RBFOX1: variants seen among roughly 807,000 people sequenced by gnomAD.
RBFOX1 encodes RNA binding fox-1 homolog 1, also known as RNA binding protein fox-1 homolog 1.
Under a neutral mutation model 57.7 loss-of-function variants are expected in RBFOX1, and 8 were observed. That is an observed-to-expected ratio of 0.14 (90% CI 0.08 to 0.25). RBFOX1 has a LOEUF of 0.25. Among genes scored for constraint, RBFOX1 ranks in the 10% least tolerant of loss-of-function variants. The probability of loss-of-function intolerance (pLI) is 1.00; values close to 1 mark genes in which losing one functional copy is unlikely to be tolerated. For missense variants in RBFOX1, 611 were observed against 548.5 expected (o/e 1.11, Z -1.14); for synonymous variants, 326 against 222.4 (o/e 1.47, Z -4.15).
intron 3 of RBFOX1, among the ~76,000 whole-genome samples, chr16:6,687,205 T>G (rs112736302): frequency 8.5e-5 from 13 of 152,264 alleles, no homozygotes; most frequent in African/African-American, 3.1e-4. Flanking sequence ...AAATACCGTA[T>G]GTTCTGACTT....
chr16:7,116,296 G>C (rs1020562268), intron 4 of RBFOX1, among the ~76,000 whole-genome samples: 17 of 152,250 alleles, frequency 1.1e-4, no homozygotes, highest in African/African-American at 3.6e-4. Context: ...ATCTGCCTCT[G>C]AAAGCCTAGG....
At chr16:5,389,584 C>T (rs1329110613) in intron 1 of RBFOX1, among the ~76,000 whole-genome samples, 1 of 152,124 alleles carries the variant, frequency 6.6e-6, no homozygotes, top group Non-Finnish European at 1.5e-5. Flanking sequence ...TTTGGGCATT[C>T]CCTTCTTTTT....
intron 5 of RBFOX1, among the ~76,000 whole-genome samples, chr16:7,543,821 A>C (rs547326764): frequency 3.0e-4 from 46 of 152,102 alleles, no homozygotes; most frequent in African/African-American, 9.6e-4. Context: ...CCTTGGTTCA[A>C]GTGATTCTCC....
chr16:6,987,166 G>C (rs952520707), intron 3 of RBFOX1, among the ~76,000 whole-genome samples: 2 of 152,090 alleles, frequency 1.3e-5, no homozygotes, highest in African/African-American at 4.8e-5. Context: ...GCAGCATTTT[G>C]ATAGAGGACT....
rs111063945 is a variant in RBFOX1, at chr16:6,772,796, G to A, written c.-16+118146G>A. Among the ~76,000 whole-genome samples the A allele has an allele frequency of 2.0e-3, 308 of 150,418 alleles. 3 individuals are homozygous for A. Among genetic ancestry groups the A allele is most frequent in the Non-Finnish European group, 2.9e-3 (195 of 67,520 alleles). On this transcript the variant is annotated intron_variant, in intron 3 of 15. Coordinates refer to ENST00000550418, the MANE Select transcript of RBFOX1 (RefSeq NM_018723.4). ...TGGGATGTGGGGTGCATTTGTGTGCGTATGTGTGGGCCTGGGGTGCATTTG... is the reference window on the plus strand; with the variant it reads ...TGGGATGTGGGGTGCATTTGTGTGCATATGTGTGGGCCTGGGGTGCATTTG...
intron 4 of RBFOX1, among the ~76,000 whole-genome samples, chr16:5,870,694 A>G (rs2057449209): frequency 6.6e-6 from 1 of 150,984 alleles, no homozygotes; most frequent in African/African-American, 2.4e-5. Flanking sequence ...TTTTTTCATG[A>G]CAGCAGGGAG....
At chr16:7,445,847 T>A (rs936715244) in intron 4 of RBFOX1, among the ~76,000 whole-genome samples, 1 of 152,214 alleles carries the variant, frequency 6.6e-6, no homozygotes, top group African/African-American at 2.4e-5. Context: ...TATTTGCTCA[T>A]TGAAGTGGGT....
intron 1 of RBFOX1, among the ~76,000 whole-genome samples, chr16:5,407,146 C>G (rs887143676): frequency 1.3e-5 from 2 of 152,088 alleles, no homozygotes; most frequent in African/African-American, 2.4e-5. Context: ...AAGAGAGAGA[C>G]AGAGTGAAAA....
At chr16:6,830,281 A>G (rs966828560) in intron 3 of RBFOX1, among the ~76,000 whole-genome samples, 11 of 152,200 alleles carry the variant, frequency 7.2e-5, no homozygotes, top group African/African-American at 2.7e-4. Context: ...ATTCTGATAT[A>G]CACAACAGGG....
intron 3 of RBFOX1, among the ~76,000 whole-genome samples, chr16:6,695,612 T>C (rs529248687): frequency 2.0e-5 from 3 of 152,278 alleles, no homozygotes; most frequent in African/African-American, 7.2e-5. Context: ...ATATTTTCAC[T>C]TGGAATCTTC....
intron 3 of RBFOX1, among the ~76,000 whole-genome samples, chr16:6,740,146 G>C (rs561520979): frequency 6.6e-6 from 1 of 152,064 alleles, no homozygotes; most frequent in Non-Finnish European, 1.5e-5. Context: ...TCACTATACC[G>C]ATAGGTTCAA....
At chr16:7,278,328 T>C (rs2095479444) in intron 4 of RBFOX1, among the ~76,000 whole-genome samples, 1 of 152,214 alleles carries the variant, frequency 6.6e-6, no homozygotes, top group South Asian at 2.1e-4. Flanking sequence ...CCTCCTTCAG[T>C]GTCTCTAGAT....
intron 3 of RBFOX1, among the ~76,000 whole-genome samples, chr16:5,698,352 T>C (rs891887398): frequency 2.0e-5 from 3 of 152,206 alleles, no homozygotes; most frequent in Admixed American, 2.0e-4. Context: ...TTTTTTGCTT[T>C]TGGGGTGTGT....
chr16:6,127,391 T>C (rs1288551301), intron 1 of RBFOX1, among the ~76,000 whole-genome samples: 1 of 152,194 alleles, frequency 6.6e-6, no homozygotes, highest in Non-Finnish European at 1.5e-5. Flanking sequence ...TCTCTGTTCA[T>C]GTGGACCTTT....
chr16:6,496,732 G>A (rs888148402), intron 2 of RBFOX1, among the ~76,000 whole-genome samples: 1 of 152,114 alleles, frequency 6.6e-6, no homozygotes, highest in Admixed American at 6.5e-5. Context: ...GGCCAGGGTG[G>A]GTGGATCGCT....
At chr16:5,867,683 C>A (rs2057375914) in intron 4 of RBFOX1, among the ~76,000 whole-genome samples, 1 of 152,002 alleles carries the variant, frequency 6.6e-6, no homozygotes, top group African/African-American at 2.4e-5. Flanking sequence ...TCTCTTTTGG[C>A]TTTTCTTTGT....
At chr16:6,936,744 T>G (rs942383495) in intron 3 of RBFOX1, among the ~76,000 whole-genome samples, 4 of 152,034 alleles carry the variant, frequency 2.6e-5, no homozygotes, top group Non-Finnish European at 5.9e-5. Flanking sequence ...GGTAGGGTAA[T>G]TCCATACTGT....
At chr16:5,735,593 C>G (rs772622946) in intron 3 of RBFOX1, among the ~76,000 whole-genome samples, 1 of 151,880 alleles carries the variant, frequency 6.6e-6, no homozygotes, top group Admixed American at 6.6e-5. Context: ...ACTTAGTTGT[C>G]CATGTAATAA....
chr16:5,733,643 G>A (rs183413356), intron 3 of RBFOX1, among the ~76,000 whole-genome samples: 4 of 152,226 alleles, frequency 2.6e-5, no homozygotes, highest in African/African-American at 4.8e-5. Context: ...TTGTCCACTT[G>A]CAGAGAGCTT....
Sources: gnomAD v4.1 joint callset for allele counts (sites outside exome capture counted in the v4.1 genomes callset) on GRCh38, gnomAD v4.1.1 for gene constraint, MANE v1.5 for transcripts, NCBI Gene and HGNC (gene_info 2026-07-23, HGNC 2026-07-21) for gene names.